Variants in CPNE3 observed in about 807,000 individuals in gnomAD.
CPNE3 encodes copine-3.
A neutral mutation model predicts 63.9 loss-of-function variants in CPNE3; 68 were observed. The observed-to-expected ratio is 1.06, with a 90% CI of 0.87 to 1.30. The LOEUF is 1.30. Ranked by LOEUF, CPNE3 falls within the 50% of genes most tolerant of loss-of-function variation. The pLI, the probability that CPNE3 is intolerant of heterozygous loss-of-function variation, is 0.00. For synonymous variants in CPNE3, 219 were observed against 197.5 expected (o/e 1.11, Z -0.91); for missense variants, 665 against 578.1 (o/e 1.15, Z -1.54).
intron 8 of CPNE3, among the ~76,000 whole-genome samples, chr8:86,540,695 C>T (rs1196841688): frequency 6.6e-6 from 1 of 152,136 alleles, no homozygotes; most frequent in African/African-American, 2.4e-5. Context: ...ATGTCTGTTG[C>T]AGATAGAAGC....
intron 2 of CPNE3, chr8:86,521,554 T>C (rs1185745504): frequency 6.6e-6 from 1 of 152,208 alleles, no homozygotes; most frequent in Non-Finnish European, 1.5e-5. Flanking sequence ...CATAATTGTT[T>C]ACATCTATGG....
chr8:86,540,201 A>G, intron 7 of CPNE3, 44 bp from the exon 8 acceptor site: 1 of 1,205,736 alleles, frequency 8.3e-7, no homozygotes, highest in Non-Finnish European at 1.2e-6. Context: ...ATGTTAATGA[A>G]CTGGAAGTTT....
At chr8:86,532,668 A>G in intron 6 of CPNE3, 88 bp downstream of exon 6, 2 of 1,091,728 alleles carry the variant, frequency 1.8e-6, no homozygotes, top group South Asian at 1.4e-5. Context: ...CATGAACTCC[A>G]TCATTGAGCA....
chr8:86,551,890 C>G (rs535133223), intron 14 of CPNE3, among the ~76,000 whole-genome samples: 1 of 152,336 alleles, frequency 6.6e-6, no homozygotes, highest in African/African-American at 2.4e-5. Context: ...AACTCTTGAC[C>G]TCAAGCTATC....
intron 9 of CPNE3, 74 bp from the exon 10 acceptor site, chr8:86,546,521 C>A: frequency 6.8e-7 from 1 of 1,480,816 alleles, no homozygotes; most frequent in Non-Finnish European, 9.3e-7. Flanking sequence ...GAAAAAAAGT[C>A]ATTCATTTAA....
chr8:86,530,689 GATT>G (rs910835951), intron 4 of CPNE3, among the ~76,000 whole-genome samples: 3 of 111,194 alleles, frequency 2.7e-5, no homozygotes, highest in Non-Finnish European at 5.4e-5. Context: ...TAAATATTTA[GATT>G]TTTTTTTTTT....
chr8:86,548,140 G>C (rs554080791), intron 11 of CPNE3, among the ~76,000 whole-genome samples, 161 bp from the exon 12 acceptor site: 1 of 152,168 alleles, frequency 6.6e-6, no homozygotes, highest in Non-Finnish European at 1.5e-5. Flanking sequence ...TTCACATTTA[G>C]GCTTTACTTG....
intron 12 of CPNE3, 81 bp from the exon 13 acceptor site, chr8:86,550,965 A>C: frequency 7.4e-7 from 1 of 1,347,448 alleles, no homozygotes; most frequent in African/African-American, 1.5e-5. Flanking sequence ...AAATGAGCTC[A>C]TATGGATTTT....
chr8:86,526,416 C>T (rs1820541150), intron 2 of CPNE3, among the ~76,000 whole-genome samples: 1 of 151,764 alleles, frequency 6.6e-6, no homozygotes, highest in Non-Finnish European at 1.5e-5. Flanking sequence ...AGGATCAGAC[C>T]CTAGAGGCAG....
intron 12 of CPNE3, 29 bp downstream of exon 12, chr8:86,548,463 A>G (rs1821103114): frequency 3.1e-6 from 5 of 1,612,880 alleles, no homozygotes; most frequent in South Asian, 1.1e-5. Flanking sequence ...AAACTAAAAT[A>G]CATGTTTTCA....
At chr8:86,549,796 G>T (rs1476961971) in intron 12 of CPNE3, among the ~76,000 whole-genome samples, 1 of 152,202 alleles carries the variant, frequency 6.6e-6, no homozygotes. Flanking sequence ...AGGGGGAAGA[G>T]AAGAAAGGGA....
At chr8:86,533,317 G>A (rs1358906748) in intron 6 of CPNE3, among the ~76,000 whole-genome samples, 1 of 152,024 alleles carries the variant, frequency 6.6e-6, no homozygotes, top group Non-Finnish European at 1.5e-5. Context: ...CCGAGGTGGG[G>A]AGATCACTTG....
At chr8:86,536,235 T>A (rs926933613) in intron 6 of CPNE3, among the ~76,000 whole-genome samples, 2 of 149,942 alleles carry the variant, frequency 1.3e-5, no homozygotes, top group Non-Finnish European at 3.0e-5. Context: ...TGTGTTCATA[T>A]GTATGTGTGT....
In CPNE3 at chr8:86,548,956, A is replaced by G. The variant is rs543097346; in HGVS notation, c.1013+522A>G. Among the ~76,000 whole-genome samples, 467 of 152,328 alleles carry G rather than the reference A, an allele frequency of 3.1e-3. 2 individuals carry two copies. The highest frequency in any genetic ancestry group is 5.8e-3 in the Non-Finnish European group (396 of 68,026). On this transcript the variant is annotated intron_variant, in intron 12 of 16. Coordinates refer to ENST00000517490, the MANE Select transcript of CPNE3 (RefSeq NM_003909.5). Reference sequence around the variant, plus strand: ...ATTTTTTTAACGGTGACTTTTAACAAGTGCTGAAGGATAACTAGATCTAAT... The same window carrying G: ...ATTTTTTTAACGGTGACTTTTAACAGGTGCTGAAGGATAACTAGATCTAAT...
chr8:86,552,389 A>G (rs1821201326), intron 14 of CPNE3, among the ~76,000 whole-genome samples: 1 of 152,150 alleles, frequency 6.6e-6, no homozygotes, highest in Admixed American at 6.5e-5. Context: ...GCCATTTGAA[A>G]CTGGGAATGT....
At chr8:86,530,869 T>C (rs1173575384) in intron 4 of CPNE3, among the ~76,000 whole-genome samples, 2 of 151,848 alleles carry the variant, frequency 1.3e-5, no homozygotes, top group African/African-American at 4.8e-5. Context: ...TTTTTGTATT[T>C]TTAGTAGAGA....
chr8:86,554,718 T>C, intron 14 of CPNE3, 133 bp from the exon 15 acceptor site: 1 of 1,039,296 alleles, frequency 9.6e-7, no homozygotes, highest in South Asian at 1.7e-5. Context: ...TTAGAGGAAC[T>C]ACTGCTTATA....
chr8:86,523,316 G>C (rs1381947521), intron 2 of CPNE3, among the ~76,000 whole-genome samples: 2 of 152,196 alleles, frequency 1.3e-5, no homozygotes, highest in African/African-American at 4.8e-5. Flanking sequence ...ATCCAAATTA[G>C]TGATGGGAAA....
At position 86,561,393 on chromosome 8, in the gene CPNE3, T is replaced by A. The variant is rs1019973182; in HGVS notation, c.*2983T>A. The A allele has an allele frequency of 9.8e-5, 15 of 152,368 alleles. No individual in the cohort carries two copies. Among genetic ancestry groups the A allele is most frequent in the African/African-American group, 3.4e-4 (14 of 41,588 alleles). The allele number at this position is 152,368 out of a possible 1,614,324, so 9.4% of individuals were successfully genotyped here. A position where few individuals can be genotyped will look rare whatever the true frequency, so the allele number is the denominator to read the frequency against. On this transcript the variant is annotated 3_prime_UTR_variant, in exon 17 of 17. Coordinates refer to ENST00000517490, the MANE Select transcript of CPNE3 (RefSeq NM_003909.5). ...ATCTTACATTTGAATTCCTTTTGGA[T>A]AAAGTTATTTCTTGATGTGACAGAG...
Sources: gnomAD v4.1 joint callset for allele counts (sites outside exome capture counted in the v4.1 genomes callset) on GRCh38, gnomAD v4.1.1 for gene constraint, MANE v1.5 for transcripts, NCBI Gene and HGNC (gene_info 2026-07-23, HGNC 2026-07-21) for gene names.